FCSK: variants seen among roughly 807,000 people sequenced by gnomAD.
The protein encoded by FCSK is fucose kinase, also known as L-fucose kinase.
In FCSK, 123 loss-of-function variants were observed where a neutral mutation model predicts 122.5. The ratio of observed to expected loss-of-function variants is 1.00; its 90% confidence interval spans 0.87 to 1.17. The LOEUF is 1.17. Ranked by LOEUF, FCSK falls within the 50% of genes most tolerant of loss-of-function variation. FCSK has a pLI of 0.00. For synonymous variants in FCSK, 620 were observed against 625.5 expected, an observed-to-expected ratio of 0.99 and a Z score of 0.13; for missense variants, 1,366 against 1,450.4, an observed-to-expected ratio of 0.94 and a Z score of 0.95.
In FCSK at chr16:70,478,631, T is replaced by A; in HGVS notation, c.2910T>A (p.Cys970Ter). ...GCCTGGTACGGCAAACTGAGGAGTG[T>A]GCTGAAGGCTTCCGCCAAGGTGAGG... ...AHSLVRQTEE[C>*]AEGFRQGSLP... Residue 970 changes from cysteine to a stop codon, truncating the protein, a stop_gained, in exon 22 of 24, where the codon TGT becomes TGA. Transcript: ENST00000288078. LOFTEE classifies it high-confidence loss of function. The A allele has an allele frequency of 8.1e-6, 13 of 1,613,578 alleles. No homozygotes were observed. The highest frequency in any genetic ancestry group is 1.1e-5 in the Non-Finnish European group (13 of 1,179,996).
chr16:70,463,607 T>C lies in FCSK; in HGVS notation c.83-16T>C. ...GAGAGCTGGGGGGCAGGTCCCAGTG[T>C]CTCTTCTGACCCTAGAACTGGAAGT... is the stretch of plus-strand genomic sequence containing the variant. On this transcript the variant is annotated splice_polypyrimidine_tract_variant and intron_variant, in intron 2 of 23. Transcript: ENST00000288078. The C allele has an allele frequency of 6.2e-7, 1 of 1,612,768 alleles. No homozygotes were observed. The highest frequency in any genetic ancestry group is 8.5e-7 in the Non-Finnish European group (1 of 1,179,546).
Position 70,468,934 on chromosome 16 carries a change from A to G in FCSK, c.749A>G (p.Tyr250Cys). The stretch of plus-strand genomic sequence containing the variant: ...AGCCCGCCCCTGGATGCCTGCACCT[A>G]CCTAGGCTTGGACTCCGGAGCCCGG... ...HVSPPLDACT[Y>C]LGLDSGARPV... is the part of the protein sequence containing the mutation. The change falls in exon 9 of 24, where the codon TAC becomes TGC. Residue 250 changes from tyrosine to cysteine, a missense_variant. Tyr to Cys is a radical substitution (Grantham distance 194, BLOSUM62 -2). Coordinates refer to ENST00000288078, the MANE Select transcript of FCSK (RefSeq NM_145059.3). 1 of 1,613,696 alleles carries G rather than the reference A, an allele frequency of 6.2e-7. No homozygotes were observed. Among genetic ancestry groups the G allele is most frequent in the South Asian group, 1.1e-5 (1 of 91,064 alleles).
At chr16:70,467,169 C>T (rs1452691773) in intron 6 of FCSK, 5 of 631,876 alleles carry the variant, frequency 7.9e-6, no homozygotes, top group Non-Finnish European at 1.4e-5. Flanking sequence ...AGCCCTGCCC[C>T]TTCTGTCCCA....
chr16:70,461,281 T>C (rs2048255887), intron 1 of FCSK, among the ~76,000 whole-genome samples: 3 of 152,142 alleles, frequency 2.0e-5, no homozygotes. Flanking sequence ...GCATGGGCTT[T>C]TCCCATGCTG....
chr16:70,473,110 C>T lies in FCSK; in HGVS notation c.1534C>T (p.Gln512Ter). The stretch of plus-strand genomic sequence containing the variant: ...GGACCTGCTGTGGATGCTGGACCAC[C>T]AGGAGGATGGGGGCGAGGCCCTGCG... ...PQDLLWMLDH[Q>*]EDGGEALRAW... Residue 512 changes from glutamine (Q) to a stop codon, truncating the protein, a stop_gained, in exon 15 of 24, where the codon CAG (glutamine) becomes TAG (stop). Coordinates refer to ENST00000288078, the MANE Select transcript of FCSK (RefSeq NM_145059.3). LOFTEE classifies it high-confidence loss of function. This position sits in a 1 kb window ranked among gnomAD's most constrained non-coding sequence, Gnocchi z 4.9. The T allele has an allele frequency of 1.3e-6, 2 of 1,585,628 alleles. No homozygotes were observed. The highest frequency in any genetic ancestry group is 1.7e-6 in the Non-Finnish European group (2 of 1,167,016).
At chr16:70,461,226 A>G (rs923658721) in intron 1 of FCSK, among the ~76,000 whole-genome samples, 3 of 152,098 alleles carry the variant, frequency 2.0e-5, no homozygotes, top group Non-Finnish European at 4.4e-5. Context: ...TGACCACCAG[A>G]TGTGTGCTCA....
At position 70,470,973 on chromosome 16, in the gene FCSK, G is replaced by A. The variant is rs200396056; in HGVS notation, c.1071G>A (p.Glu357=). The A allele has an allele frequency of 1.4e-4, 222 of 1,581,790 alleles. No homozygotes were observed. In the African/African-American group the frequency reaches 2.5e-3, roughly 18 times the overall value. Residue 357 remains glutamate, a splice_region_variant and synonymous_variant, in exon 12 of 24, where the codon GAG becomes GAA. Coordinates refer to ENST00000288078, the MANE Select transcript of FCSK (RefSeq NM_145059.3). The stretch of plus-strand genomic sequence containing the variant: ...GCTCCTCCTACCTGGCTGCACAGGA[G>A]CAGCAGCTTCTGGCGGCCGGGAGCT... The part of the protein sequence containing the change: ...GAQIVHSQVE[E]QQLLAAGSSV...
intron 1 of FCSK, among the ~76,000 whole-genome samples, chr16:70,458,709 A>G (rs1302832631): frequency 6.6e-6 from 1 of 151,998 alleles, no homozygotes; most frequent in Non-Finnish European, 1.5e-5. Flanking sequence ...TGGCCTTCCA[A>G]AGTGCTGGGA....
chr16:70,479,486 T>A (rs892789616), intron 23 of FCSK, 83 bp downstream of exon 23: 45 of 1,478,730 alleles, frequency 3.0e-5, no homozygotes, highest in Non-Finnish European at 4.2e-5. Context: ...AGGGGCTATA[T>A]CTGTAAGTCC....
At position 70,470,440 on chromosome 16, in the gene FCSK, G is replaced by C. The variant is rs766536317; in HGVS notation, c.1068+14G>C. 1 of 1,496,608 alleles carries C rather than the reference G, an allele frequency of 6.7e-7. No individual in the cohort carries two copies. The highest frequency in any genetic ancestry group is 9.3e-7 in the Non-Finnish European group (1 of 1,077,478). The allele number at this position is 1,496,608 out of a possible 1,614,324, so 92.7% of individuals were successfully genotyped here. A position where few individuals can be genotyped will look rare whatever the true frequency, so the allele number is the denominator to read the frequency against. On this transcript the variant is annotated intron_variant, in intron 11 of 23. Coordinates refer to ENST00000288078, the MANE Select transcript of FCSK (RefSeq NM_145059.3). ...TCCCAGGTGGAGGTGAGACCTCCCT[G>C]CCCCTCCGGTGCCTGCTGGTTGTCT...
At position 70,466,218 on chromosome 16, in the gene FCSK, C is replaced by A; in HGVS notation, c.372C>A (p.Val124=). Residue 124 remains valine, a synonymous_variant, in exon 5 of 24, where the codon GTC becomes GTA. Coordinates refer to ENST00000288078, the MANE Select transcript of FCSK (RefSeq NM_145059.3). ...CCGAGGCCCCCGTGGAAGCCTTGGT[C>A]TGCAACCTGGACTGCCTGCTGGACA... The part of the protein sequence containing the change: ...ENPEAPVEAL[V]CNLDCLLDIM... The A allele has an allele frequency of 6.2e-7, 1 of 1,614,002 alleles. No individual in the cohort carries two copies. Among genetic ancestry groups the A allele is most frequent in the Non-Finnish European group, 8.5e-7 (1 of 1,179,932 alleles).
chr16:70,454,634 C>T lies in FCSK; in HGVS notation c.-23+4C>T, dbSNP rs1415394730. 1 of 150,692 alleles carries T rather than the reference C, an allele frequency of 6.6e-6. No individual in the cohort carries two copies. Among genetic ancestry groups the T allele is most frequent in the South Asian group, 2.1e-4 (1 of 4,774 alleles). 9.3% of individuals were successfully genotyped at this position (150,692 alleles called of 1,614,324 possible). ...GCCGAGCGCCGGGCGACGGCAGGTACGTCAGTCCGCGAGGGTCGCCGCAGC... is the reference window on the plus strand; with the variant it reads ...GCCGAGCGCCGGGCGACGGCAGGTATGTCAGTCCGCGAGGGTCGCCGCAGC... On this transcript the variant is annotated splice_donor_region_variant and intron_variant, in intron 1 of 23. Coordinates refer to ENST00000288078, the MANE Select transcript of FCSK (RefSeq NM_145059.3).
chr16:70,464,499 A>C (rs1304838143), intron 3 of FCSK, among the ~76,000 whole-genome samples: 1 of 152,068 alleles, frequency 6.6e-6, no homozygotes, highest in Non-Finnish European at 1.5e-5. Context: ...TAAAAATACA[A>C]AAATTAGCTG....
At position 70,463,738 on chromosome 16, in the gene FCSK, G is replaced by A. The variant is rs766089906; in HGVS notation, c.198G>A (p.Val66=). ...SGGATLNALL[V]AAEHLSARAG... ...GAGCCACCCTCAACGCCCTGCTGGT[G>A]GCTGCTGAACACCTGAGTGCCCGGG... Residue 66 remains valine, a synonymous_variant, in exon 3 of 24, where the codon GTG becomes GTA. Coordinates refer to ENST00000288078, the MANE Select transcript of FCSK (RefSeq NM_145059.3). 4 of 1,612,398 alleles carry A rather than the reference G, an allele frequency of 2.5e-6. No individual in the cohort carries two copies. Among genetic ancestry groups the A allele is most frequent in the Non-Finnish European group, 3.4e-6 (4 of 1,179,922 alleles).
At chr16:70,462,916 A>G (rs566942865) in intron 1 of FCSK, among the ~76,000 whole-genome samples, 1 of 152,250 alleles carries the variant, frequency 6.6e-6, no homozygotes, top group Non-Finnish European at 1.5e-5. Context: ...AAGTGCTAGG[A>G]TTGCAGGCAT....
rs142875885 is a variant in FCSK, at chr16:70,464,374, G to A, written c.234+600G>A. Among the ~76,000 whole-genome samples, 1,051 of 152,278 alleles carry A rather than the reference G, an allele frequency of 6.9e-3. 4 individuals are homozygous for A. The highest frequency in any genetic ancestry group is 0.01 in the Non-Finnish European group (707 of 68,012). On this transcript the variant is annotated intron_variant, in intron 3 of 23. Transcript: ENST00000288078. ...CCCTTCAAAACAGACAGCAGAGGCC[G>A]GGCGCGGTGGCTCATGCCTTTAATC...
chr16:70,460,671 G>C (rs1042834439), intron 1 of FCSK, among the ~76,000 whole-genome samples: 2 of 152,200 alleles, frequency 1.3e-5, no homozygotes, highest in South Asian at 2.1e-4. Context: ...CCAAAGTGCT[G>C]GGATTACAGA....
At chr16:70,470,043 C>T (rs958723781) in intron 10 of FCSK, among the ~76,000 whole-genome samples, 3 of 148,554 alleles carry the variant, frequency 2.0e-5, no homozygotes, top group Non-Finnish European at 4.4e-5. Context: ...TGGGATTTCA[C>T]CATGTTGGTC....
Position 70,463,755 on chromosome 16 carries a change from G to C in FCSK, c.215G>C (p.Ser72Thr). The C allele has an allele frequency of 6.2e-7, 1 of 1,611,392 alleles. No individual in the cohort carries two copies. The highest frequency in any genetic ancestry group is 8.5e-7 in the Non-Finnish European group (1 of 1,179,592). Residue 72 changes from serine to threonine, a missense_variant, in exon 3 of 24, where the codon AGT (serine) becomes ACT (threonine). Ser to Thr is a moderately conservative substitution (Grantham distance 58). Coordinates refer to ENST00000288078, the MANE Select transcript of FCSK (RefSeq NM_145059.3). ...NALLVAAEHL[S>T]ARAGFTVVTS... ...CTGCTGGTGGCTGCTGAACACCTGAGTGCCCGGGCAGGCTTCACTGTGAGT... is the reference window on the plus strand; with the variant it reads ...CTGCTGGTGGCTGCTGAACACCTGACTGCCCGGGCAGGCTTCACTGTGAGT...
Sources: allele counts gnomAD v4.1 joint callset (sites outside exome capture counted in the v4.1 genomes callset), GRCh38; gene constraint gnomAD v4.1.1; non-coding constraint Gnocchi (gnomAD v3.1); transcripts MANE v1.5; gene names NCBI Gene and HGNC (gene_info 2026-07-23, HGNC 2026-07-21).